The following VAV3 variants were observed in gnomAD, a reference collection of about 807,000 sequenced individuals.
VAV3 encodes the protein vav guanine nucleotide exchange factor 3.
In VAV3, 94 loss-of-function variants were observed where a neutral mutation model predicts 131.2. That is an observed-to-expected ratio of 0.72 (90% confidence interval 0.61 to 0.85). VAV3 has a LOEUF of 0.85. Among genes scored for constraint, VAV3 ranks in the 40% least tolerant of loss-of-function variants. The pLI is 0.00. For missense variants in VAV3, 939 were observed against 1,002.7 expected (o/e 0.94, Z 0.86); for synonymous variants, 349 against 342.0 (o/e 1.02, Z -0.22).
intron 1 of VAV3, among the ~76,000 whole-genome samples, chr1:107,909,238 G>A (rs1052239095): frequency 6.6e-6 from 1 of 152,122 alleles, no homozygotes; most frequent in Non-Finnish European, 1.5e-5. Context: ...TGCTGATTAA[G>A]TGGACATTTC....
chr1:107,902,377 C>A (rs1671903513), intron 1 of VAV3, among the ~76,000 whole-genome samples: 1 of 152,154 alleles, frequency 6.6e-6, no homozygotes. Flanking sequence ...CTTTATTCAT[C>A]TTCCATTCTG....
chr1:107,734,881 C>T lies in VAV3; in HGVS notation c.1502+14087G>A, dbSNP rs549954691. Among the ~76,000 whole-genome samples, 14 of 152,290 alleles carry T rather than the reference C, an allele frequency of 9.2e-5. No homozygotes were observed. In the South Asian group the frequency reaches 2.7e-3, roughly 29 times the overall value. ...CCTAATAGACATCTACAGAACTCTC[C>T]ACCACAAATCAACACAATATACATT... is the stretch of plus-strand genomic sequence containing the variant. On this transcript the variant is annotated intron_variant, in intron 15 of 26. Transcript: ENST00000370056.
intron 15 of VAV3, among the ~76,000 whole-genome samples, chr1:107,745,144 G>A (rs964426526): frequency 2.6e-5 from 4 of 151,876 alleles, no homozygotes; most frequent in Admixed American, 1.3e-4. Context: ...ACCATTTGCC[G>A]TCCTGTTTCA....
intron 17 of VAV3, among the ~76,000 whole-genome samples, chr1:107,690,009 C>G (rs574548943): frequency 6.6e-6 from 1 of 152,250 alleles, no homozygotes; most frequent in South Asian, 2.1e-4. Context: ...AAGTGCTAAA[C>G]AGTGGGAGCA....
intron 1 of VAV3, among the ~76,000 whole-genome samples, chr1:107,909,784 T>C (rs1424198044): frequency 1.3e-5 from 2 of 152,176 alleles, no homozygotes; most frequent in Non-Finnish European, 2.9e-5. Context: ...CATGTATAGA[T>C]GTTCTTTAAT....
chr1:107,599,255 T>C lies in VAV3; in HGVS notation c.2221-2914A>G, dbSNP rs12758917. Among the ~76,000 whole-genome samples the C allele has an allele frequency of 1.5e-3, 229 of 152,330 alleles. 1 individual carries two copies. Among genetic ancestry groups the C allele is most frequent in the Middle Eastern group, 6.8e-3 (2 of 294 alleles). On this transcript the variant is annotated intron_variant, in intron 24 of 26. Coordinates refer to ENST00000370056, the MANE Select transcript of VAV3 (RefSeq NM_006113.5). ...GTAAATCTTCCTACATGTTTCTAAC[T>C]GGGTAGAACTAAATAGTGTCACCAT... is the stretch of plus-strand genomic sequence containing the variant.
chr1:107,866,115 G>C (rs1240617363), intron 2 of VAV3, among the ~76,000 whole-genome samples: 5 of 152,106 alleles, frequency 3.3e-5, no homozygotes, highest in Admixed American at 3.3e-4. Flanking sequence ...TAAAGTCCTA[G>C]GATCAAGGTT....
intron 18 of VAV3, among the ~76,000 whole-genome samples, chr1:107,684,821 T>C (rs953804751): frequency 6.6e-6 from 1 of 152,228 alleles, no homozygotes; most frequent in Non-Finnish European, 1.5e-5. Context: ...TACAGACTCA[T>C]GTCTGATAAT....
At chr1:107,867,527 A>G (rs1670052261) in intron 2 of VAV3, among the ~76,000 whole-genome samples, 2 of 152,206 alleles carry the variant, frequency 1.3e-5, no homozygotes, top group African/African-American at 4.8e-5. Context: ...CCAGCCAGAC[A>G]CATACATTAG....
chr1:107,692,226 C>T (rs1231166594), intron 17 of VAV3, among the ~76,000 whole-genome samples: 6 of 152,282 alleles, frequency 3.9e-5, no homozygotes, highest in African/African-American at 1.4e-4. Flanking sequence ...GCTATGTTCA[C>T]TACTCAGATA....
chr1:107,691,034 G>C (rs1388620388), intron 17 of VAV3, among the ~76,000 whole-genome samples: 1 of 152,164 alleles, frequency 6.6e-6, no homozygotes, highest in African/African-American at 2.4e-5. Context: ...GTAACTCTTA[G>C]AATCTGCTGA....
intron 2 of VAV3, among the ~76,000 whole-genome samples, chr1:107,844,915 AAG>A (rs1330755981): frequency 3.9e-5 from 6 of 152,166 alleles, no homozygotes; most frequent in Non-Finnish European, 8.8e-5. Flanking sequence ...GCTGGCTCTG[AAG>A]AGAGTGGTAG....
intron 2 of VAV3, among the ~76,000 whole-genome samples, chr1:107,834,240 C>T (rs1000075409): frequency 6.6e-6 from 1 of 152,104 alleles, no homozygotes; most frequent in Non-Finnish European, 1.5e-5. Flanking sequence ...GCATGATACA[C>T]CCGTAAATTA....
chr1:107,890,785 A>C (rs193251742), intron 1 of VAV3, among the ~76,000 whole-genome samples: 55 of 152,252 alleles, frequency 3.6e-4, no homozygotes, highest in Admixed American at 3.3e-3. Flanking sequence ...ATCTGCACCA[A>C]ACTTAGCCAT....
chr1:107,889,259 G>T (rs1345025255), intron 1 of VAV3, among the ~76,000 whole-genome samples: 3 of 151,714 alleles, frequency 2.0e-5, no homozygotes, highest in African/African-American at 7.3e-5. Flanking sequence ...ATACAATTGG[G>T]TAGATTTTAT....
At chr1:107,607,261 C>G (rs1652355266) in intron 22 of VAV3, among the ~76,000 whole-genome samples, 3 of 152,074 alleles carry the variant, frequency 2.0e-5, no homozygotes, top group Admixed American at 2.0e-4. Flanking sequence ...TGAGTCTGAT[C>G]ATTTGACAAG....
rs1667740288 is a variant in VAV3, at chr1:107,820,252, T to C, written c.322-40760A>G. 3.3e-5 allele frequency among the ~76,000 whole-genome samples: 5 copies of C among 152,186 alleles called. No individual in the cohort carries two copies. In the South Asian group the frequency reaches 1.0e-3, roughly 32 times the overall value. Reference sequence around the variant, plus strand: ...AATGAATAAAGAAAAATGTGCTACATATACACAATAGAGTACTATTCGTCC... The same window carrying C: ...AATGAATAAAGAAAAATGTGCTACACATACACAATAGAGTACTATTCGTCC... On this transcript the variant is annotated intron_variant, in intron 2 of 26. Coordinates refer to ENST00000370056, the MANE Select transcript of VAV3 (RefSeq NM_006113.5).
chr1:107,636,846 TAGAA>T (rs1286234378), intron 20 of VAV3, among the ~76,000 whole-genome samples: 3 of 152,070 alleles, frequency 2.0e-5, no homozygotes, highest in Non-Finnish European at 4.4e-5. Context: ...AAGTAGCACT[TAGAA>T]AGAAATTTGC....
At chr1:107,842,372 G>A (rs1193408488) in intron 2 of VAV3, among the ~76,000 whole-genome samples, 1 of 152,198 alleles carries the variant, frequency 6.6e-6, no homozygotes, top group Non-Finnish European at 1.5e-5. Flanking sequence ...CTGACTCAAG[G>A]TGAGGCAACT....
Sources: gnomAD v4.1 joint callset for allele counts (sites outside exome capture counted in the v4.1 genomes callset) on GRCh38, gnomAD v4.1.1 for gene constraint, MANE v1.5 for transcripts, NCBI Gene and HGNC (gene_info 2026-07-23, HGNC 2026-07-21) for gene names.